Variants in JMJD1C observed in about 807,000 individuals in gnomAD.
JMJD1C encodes jumonji domain-containing protein 1C.
JMJD1C carries 31 observed loss-of-function variants against 245.3 expected under a neutral mutation model. The observed-to-expected ratio is 0.13, with a 90% CI of 0.09 to 0.17. The LOEUF (loss-of-function observed/expected upper bound fraction) is 0.17. Ranked by LOEUF, JMJD1C falls within the 10% of genes least tolerant of loss-of-function variation. The pLI, the probability that JMJD1C is intolerant of heterozygous loss-of-function variation, is 1.00. For synonymous variants in JMJD1C, 1,057 were observed against 1,017.4 expected (o/e 1.04, Z -0.74); for missense variants, 2,691 against 3,000.2 (o/e 0.90, Z 2.41).
intron 1 of JMJD1C, among the ~76,000 whole-genome samples, chr10:63,454,257 A>ATTTTTTTTTTT (rs112838462): frequency 6.8e-6 from 1 of 146,066 alleles, no homozygotes. Flanking sequence ...GGAGAAATTG[A>ATTTTTTTTTTT]TTTTTTTTTT....
At chr10:63,301,557 G>T (rs925546757) in intron 2 of JMJD1C, among the ~76,000 whole-genome samples, 2 of 152,048 alleles carry the variant, frequency 1.3e-5, no homozygotes, top group African/African-American at 4.8e-5. Flanking sequence ...ACTAACACAG[G>T]AACAGAAAAC....
chr10:63,383,334 G>GT (rs780219917), intron 1 of JMJD1C, among the ~76,000 whole-genome samples: 49 of 152,048 alleles, frequency 3.2e-4, no homozygotes, highest in Admixed American at 5.2e-4. Context: ...TCTGTTTCTA[G>GT]TTAACTATCC....
At chr10:63,472,253 T>A (rs1199346864) in intron 1 of JMJD1C, among the ~76,000 whole-genome samples, 1 of 152,072 alleles carries the variant, frequency 6.6e-6, no homozygotes, top group Non-Finnish European at 1.5e-5. Context: ...ACAAAAATTA[T>A]CTTAAAAGCA....
intron 1 of JMJD1C, among the ~76,000 whole-genome samples, chr10:63,416,255 T>A (rs1019491284): frequency 6.6e-6 from 1 of 151,716 alleles, no homozygotes; most frequent in African/African-American, 2.4e-5. Context: ...ATAACACACA[T>A]CAAACCCTAA....
intron 1 of JMJD1C, among the ~76,000 whole-genome samples, chr10:63,505,880 G>C (rs116963410): frequency 0.017 from 2,363 of 139,462 alleles, 32 homozygotes; most frequent in Non-Finnish European, 0.024. Context: ...AAGTCTTACA[G>C]GTGGGATTCA....
In JMJD1C at chr10:63,262,512, T is replaced by TA. The variant is rs1414725963; in HGVS notation, c.447+2138dup. On this transcript the variant is annotated intron_variant, in intron 3 of 25. Coordinates refer to ENST00000399262, the MANE Select transcript of JMJD1C (RefSeq NM_032776.3). ...AAAAGCTCTGCTATAAACCAGCACT[T>TA]AGTCTAAAATTCGTAAGAAATTCTA... Among the ~76,000 whole-genome samples, 5 of 152,320 alleles carry TA rather than the reference T, an allele frequency of 3.3e-5. No individual in the cohort carries two copies. The East Asian group carries it at 9.6e-4, about 29-fold the overall frequency.
intron 1 of JMJD1C, among the ~76,000 whole-genome samples, chr10:63,485,032 A>G (rs1953950731): frequency 6.6e-6 from 1 of 151,812 alleles, no homozygotes; most frequent in Non-Finnish European, 1.5e-5. Flanking sequence ...CCAGAAATAG[A>G]TGTAAACCCA....
intron 2 of JMJD1C, among the ~76,000 whole-genome samples, chr10:63,325,298 G>T (rs1274911706): frequency 3.3e-5 from 5 of 152,160 alleles, no homozygotes; most frequent in African/African-American, 1.2e-4. Context: ...ATAAGCCCAA[G>T]AATACTAGAA....
At chr10:63,357,714 A>C (rs1463266396) in intron 2 of JMJD1C, among the ~76,000 whole-genome samples, 1 of 152,160 alleles carries the variant, frequency 6.6e-6, no homozygotes, top group African/African-American at 2.4e-5. Context: ...CACAGTATCT[A>C]CATAATGCTT....
intron 2 of JMJD1C, among the ~76,000 whole-genome samples, chr10:63,275,567 A>C (rs1856699676): frequency 6.6e-6 from 1 of 152,226 alleles, no homozygotes; most frequent in South Asian, 2.1e-4. Flanking sequence ...ATTTGGAAGA[A>C]AGAAAAGCTT....
intron 3 of JMJD1C, among the ~76,000 whole-genome samples, chr10:63,241,942 C>G (rs1421426070): frequency 6.6e-6 from 1 of 152,080 alleles, no homozygotes; most frequent in Non-Finnish European, 1.5e-5. Flanking sequence ...AAGAGGAAAG[C>G]AGGTAAGGAG....
chr10:63,248,037 G>T (rs915147550), intron 3 of JMJD1C, among the ~76,000 whole-genome samples: 2 of 152,162 alleles, frequency 1.3e-5, no homozygotes, highest in African/African-American at 2.4e-5. Flanking sequence ...AGACCAGCCT[G>T]GCCAACATGG....
intron 2 of JMJD1C, among the ~76,000 whole-genome samples, chr10:63,322,938 G>T (rs1001804731): frequency 6.7e-6 from 1 of 149,672 alleles, no homozygotes; most frequent in Non-Finnish European, 1.5e-5. Context: ...AATTGTTTAC[G>T]TATCTAGTCA....
intron 1 of JMJD1C, among the ~76,000 whole-genome samples, chr10:63,383,590 C>T (rs1564858993): frequency 6.6e-6 from 1 of 152,096 alleles, no homozygotes; most frequent in South Asian, 2.1e-4. Flanking sequence ...GTCCCAGAGA[C>T]TCGGGAGGCT....
At chr10:63,428,655 A>G (rs773964120) in intron 1 of JMJD1C, among the ~76,000 whole-genome samples, 15 of 152,220 alleles carry the variant, frequency 9.9e-5, no homozygotes, top group Non-Finnish European at 1.9e-4. Flanking sequence ...CACCAGTTAG[A>G]CTATGGAAAC....
At chr10:63,319,615 A>G (rs1444427458) in intron 2 of JMJD1C, among the ~76,000 whole-genome samples, 1 of 152,114 alleles carries the variant, frequency 6.6e-6, no homozygotes, top group Non-Finnish European at 1.5e-5. Flanking sequence ...CTGGATGTCA[A>G]TACCTTTATT....
chr10:63,270,131 T>C (rs2133824169), intron 2 of JMJD1C, among the ~76,000 whole-genome samples: 1 of 152,314 alleles, frequency 6.6e-6, no homozygotes, highest in African/African-American at 2.4e-5. Flanking sequence ...AGCTCACATT[T>C]TATTTCTACT....
chr10:63,373,245 C>CA (rs1946451777), intron 2 of JMJD1C, among the ~76,000 whole-genome samples: 1 of 151,892 alleles, frequency 6.6e-6, no homozygotes, highest in Non-Finnish European at 1.5e-5. Context: ...CAGGACCAAG[C>CA]AAAAAAAGAC....
chr10:63,172,241 A>G (rs1564545789), intron 24 of JMJD1C, among the ~76,000 whole-genome samples: 1 of 152,244 alleles, frequency 6.6e-6, no homozygotes, highest in Non-Finnish European at 1.5e-5. Flanking sequence ...TCTATAATCT[A>G]TGTGAATTTT....
Sources: gnomAD v4.1 joint callset for allele counts (sites outside exome capture counted in the v4.1 genomes callset) on GRCh38, gnomAD v4.1.1 for gene constraint, MANE v1.5 for transcripts, NCBI Gene and HGNC (gene_info 2026-07-23, HGNC 2026-07-21) for gene names.